PCDHGA1: variants seen among roughly 807,000 people sequenced by gnomAD.
PCDHGA1 encodes protocadherin gamma-A1.
Under a neutral mutation model 58.0 loss-of-function variants are expected in PCDHGA1, and 32 were observed. That is an observed-to-expected ratio of 0.55 (90% CI 0.42 to 0.74). PCDHGA1 has a LOEUF of 0.74. Among genes scored for constraint, PCDHGA1 ranks in the 30% least tolerant of loss-of-function variants. The pLI, the probability that PCDHGA1 is intolerant of heterozygous loss-of-function variation, is 0.00. For missense variants in PCDHGA1, 1,205 were observed against 1,182.3 expected, an observed-to-expected ratio of 1.02 and a Z score of -0.28; for synonymous variants, 498 against 501.1, an observed-to-expected ratio of 0.99 and a Z score of 0.08.
At chr5:141,383,709 C>T in intron 1 of PCDHGA1, 1 of 1,613,896 alleles carries the variant, frequency 6.2e-7, no homozygotes, top group Non-Finnish European at 8.5e-7. Context: ...TCGACCTGGA[C>T]GAGGGAGTCA....
At chr5:141,338,460 G>A (rs946374364) in intron 1 of PCDHGA1, among the ~76,000 whole-genome samples, 1 of 152,178 alleles carries the variant, frequency 6.6e-6, no homozygotes, top group Non-Finnish European at 1.5e-5. Flanking sequence ...AAGATGTTTG[G>A]AGCAAGGGCA....
intron 1 of PCDHGA1, chr5:141,360,729 CT>C: frequency 6.2e-7 from 1 of 1,614,004 alleles, no homozygotes; most frequent in Non-Finnish European, 8.5e-7. Context: ...TTCTAAAACA[CT>C]CTCTGGACAG....
At position 141,409,702 on chromosome 5, in the gene PCDHGA1, G is replaced by T. The variant is rs545411022; in HGVS notation, c.2421+76597G>T. The T allele has an allele frequency of 1.9e-6, 3 of 1,613,226 alleles. No individual in the cohort carries two copies. The East Asian group carries it at 6.7e-5, about 36-fold the overall frequency. ...TGGCGAGTGACCTAGAGCCCCTGGC[G>T]GTGTCGTCATACGTGTCAGTGAGCG... On this transcript the variant is annotated intron_variant, in intron 1 of 3. Coordinates refer to ENST00000517417, the MANE Select transcript of PCDHGA1 (RefSeq NM_018912.3).
intron 1 of PCDHGA1, chr5:141,409,041 A>T: frequency 6.2e-7 from 1 of 1,613,982 alleles, no homozygotes; most frequent in Non-Finnish European, 8.5e-7. Flanking sequence ...ATAAACTACT[A>T]CTTCCGAAGC....
intron 1 of PCDHGA1, chr5:141,409,073 A>G (rs200127436): frequency 6.2e-7 from 1 of 1,613,866 alleles, no homozygotes. Context: ...CACAAAACAT[A>G]TGTTCTCATT....
rs534304763 is a variant in PCDHGA1 at position 141,394,533 on chromosome 5, G to A, written c.2421+61428G>A. On this transcript the variant is annotated intron_variant, in intron 1 of 3. Transcript: ENST00000517417. The stretch of plus-strand genomic sequence containing the variant: ...CGCCCTCCCCACAGACGGTTCCACT[G>A]GCGTGGAGCTGGCGCCCCGCTCCGC... The A allele has an allele frequency of 2.1e-5, 34 of 1,614,210 alleles. 1 individual carries two copies. In the South Asian group the frequency reaches 3.0e-4, roughly 14 times the overall value.
At chr5:141,472,805 G>C (rs2099297767) in intron 1 of PCDHGA1, among the ~76,000 whole-genome samples, 1 of 151,688 alleles carries the variant, frequency 6.6e-6, no homozygotes, top group African/African-American at 2.4e-5. Context: ...GACCAACATG[G>C]AGAAACCCCC....
At chr5:141,363,406 A>G (rs944963716) in intron 1 of PCDHGA1, among the ~76,000 whole-genome samples, 1 of 152,226 alleles carries the variant, frequency 6.6e-6, no homozygotes, top group African/African-American at 2.4e-5. Context: ...TAAAGATGAT[A>G]GCAGTAAATA....
At chr5:141,364,797 T>C in intron 1 of PCDHGA1, 1 of 1,613,994 alleles carries the variant, frequency 6.2e-7, no homozygotes, top group Non-Finnish European at 8.5e-7. Context: ...GTGCTTCCCT[T>C]CGCGCGGGAT....
chr5:141,370,825 AACTGGCTCTC>A (rs1767227314), intron 1 of PCDHGA1: 3 of 1,614,070 alleles, frequency 1.9e-6, no homozygotes, highest in Admixed American at 3.3e-5. Context: ...GAAATCAGCG[AACTGGCTCTC>A]ACTGGAGCCA....
At position 141,489,181 on chromosome 5, in the gene PCDHGA1, T is replaced by C; in HGVS notation, c.2422-5626T>C. The C allele has an allele frequency of 1.6e-6, 2 of 1,259,546 alleles. No homozygotes were observed. The highest frequency in any genetic ancestry group is 2.2e-6 in the Non-Finnish European group (2 of 905,040). The allele number at this position is 1,259,546 out of a possible 1,614,324, so 78.0% of individuals were successfully genotyped here. ...ACTTCAGCTGCTGCATTCCAAGCCC[T>C]GGGTCTACCTTGGAGACAGGACAGC... On this transcript the variant is annotated intron_variant, in intron 1 of 3. Transcript: ENST00000517417. This position sits in a 1 kb window ranked among gnomAD's most constrained non-coding sequence, Gnocchi z 4.5.
rs567460836 is a variant in PCDHGA1, at chr5:141,331,667, T to C, written c.983T>C (p.Met328Thr). ...EVQAQDGAGL[M>T]AKVKVLIKVL... ...CAAGCCCAGGATGGTGCGGGGCTCA[T>C]GGCTAAAGTTAAGGTACTGATCAAA... The change falls in exon 1 of 4, where the codon ATG (methionine) becomes ACG (threonine). Residue 328 changes from methionine to threonine, a missense_variant. Coordinates refer to ENST00000517417, the MANE Select transcript of PCDHGA1 (RefSeq NM_018912.3). The C allele has an allele frequency of 1.2e-6, 2 of 1,614,014 alleles. No individual in the cohort carries two copies. The highest frequency in any genetic ancestry group is 2.2e-5 in the South Asian group (2 of 91,076).
intron 1 of PCDHGA1, among the ~76,000 whole-genome samples, chr5:141,337,358 G>A (rs1381046163): frequency 1.3e-5 from 2 of 152,228 alleles, no homozygotes; most frequent in African/African-American, 4.8e-5. Context: ...TAGTTGAAAA[G>A]TGGAAGTAAC....
At chr5:141,428,313 C>T in intron 1 of PCDHGA1, 1 of 671,482 alleles carries the variant, frequency 1.5e-6, no homozygotes, top group Non-Finnish European at 2.6e-6. Context: ...TGGTCGTGGC[C>T]TTGGCCTTGA....
rs765243043 is a variant in PCDHGA1 at position 141,390,219 on chromosome 5, T to C, written c.2421+57114T>C. On this transcript the variant is annotated intron_variant, in intron 1 of 3. Coordinates refer to ENST00000517417, the MANE Select transcript of PCDHGA1 (RefSeq NM_018912.3). ...GTTGAGTTCAGGACAAGACATACTT[T>C]GCGGTGATTCATCTGGGGCCTTATT... 3.1e-6 allele frequency: 5 copies of C among 1,614,066 alleles called. No individual in the cohort carries two copies. In the South Asian group the frequency reaches 5.5e-5, roughly 18 times the overall value.
At chr5:141,408,317 G>A in intron 1 of PCDHGA1, 1 of 1,613,892 alleles carries the variant, frequency 6.2e-7, no homozygotes, top group Non-Finnish European at 8.5e-7. Context: ...CTCGATTCCG[G>A]AGGAGCTGGC....
chr5:141,393,263 A>C, intron 1 of PCDHGA1: 1 of 1,613,926 alleles, frequency 6.2e-7, no homozygotes, highest in Non-Finnish European at 8.5e-7. Flanking sequence ...TTCCTGGAGC[A>C]CGTTATCCAC....
At chr5:141,388,697 G>T in intron 1 of PCDHGA1, 1 of 1,613,998 alleles carries the variant, frequency 6.2e-7, no homozygotes, top group South Asian at 1.1e-5. Flanking sequence ...ACCAGGATGA[G>T]GGTGTCAATG....
At position 141,422,526 on chromosome 5, in the gene PCDHGA1, G is replaced by A. The variant is rs956066609; in HGVS notation, c.2422-72281G>A. 9 of 1,613,866 alleles carry A rather than the reference G, an allele frequency of 5.6e-6. No homozygotes were observed. In the African/African-American group the frequency reaches 1.1e-4, roughly 19 times the overall value. The stretch of plus-strand genomic sequence containing the variant: ...CCACAGACCAGGGAAGCCCGCCTTT[G>A]TCTGCAGAAACTCATGTCTGGCTGA... On this transcript the variant is annotated intron_variant, in intron 1 of 3. Coordinates refer to ENST00000517417, the MANE Select transcript of PCDHGA1 (RefSeq NM_018912.3).
Sources: allele counts gnomAD v4.1 joint callset (sites outside exome capture counted in the v4.1 genomes callset), GRCh38; gene constraint gnomAD v4.1.1; non-coding constraint Gnocchi (gnomAD v3.1); transcripts MANE v1.5; gene names NCBI Gene and HGNC (gene_info 2026-07-23, HGNC 2026-07-21).